Variants in SPATA1 observed in about 807,000 individuals in gnomAD.
SPATA1 encodes the protein spermatogenesis associated 1.
In SPATA1, 57 loss-of-function variants were observed where a neutral mutation model predicts 59.6. That is an observed-to-expected ratio of 0.96 (90% confidence interval 0.77 to 1.19). The LOEUF is 1.19. SPATA1 is among the 50% of genes most tolerant of loss of function. The pLI is 0.00. For synonymous variants in SPATA1, 147 were observed against 163.9 expected (o/e 0.90, Z 0.79); for missense variants, 448 against 480.7 (o/e 0.93, Z 0.64).
exon 13 of SPATA1, chr1:84,553,693 ACT>A (rs1397136328): frequency 6.6e-6 from 1 of 152,134 alleles, no homozygotes; most frequent in African/African-American, 2.4e-5. Flanking sequence ...AATGGTTTTT[ACT>A]CTGTCACAAA....
chr1:84,532,753 T>C, intron 6 of SPATA1, 107 bp from the exon 7 acceptor site: 1 of 678,556 alleles, frequency 1.5e-6, no homozygotes, highest in Non-Finnish European at 2.5e-6. Context: ...ATGGGGATTC[T>C]GAAATCTACG....
chr1:84,562,064 T>C (rs1684606101), intron 4 of SPATA1, among the ~76,000 whole-genome samples: 1 of 152,228 alleles, frequency 6.6e-6, no homozygotes, highest in Admixed American at 6.5e-5. Flanking sequence ...TTCTAAGAAC[T>C]GCATGTTTCT....
intron 4 of SPATA1, among the ~76,000 whole-genome samples, chr1:84,523,354 A>G: frequency 6.6e-6 from 1 of 152,186 alleles, no homozygotes; most frequent in Admixed American, 6.5e-5. Flanking sequence ...ATCTACATAA[A>G]TTTTATTTCC....
At chr1:84,508,242 C>T (rs1424352831) in intron 1 of SPATA1, among the ~76,000 whole-genome samples, 3 of 151,750 alleles carry the variant, frequency 2.0e-5, no homozygotes, top group Admixed American at 2.0e-4. Flanking sequence ...CGAGATGGCA[C>T]CACTGCACTC....
intron 4 of SPATA1, chr1:84,563,438 C>T: frequency 3.4e-6 from 5 of 1,459,860 alleles, no homozygotes; most frequent in Non-Finnish European, 4.5e-6. Context: ...CAAAAGTGCT[C>T]ATGTTATATA....
chr1:84,525,247 G>A (rs560110970), intron 4 of SPATA1, among the ~76,000 whole-genome samples: 4 of 152,306 alleles, frequency 2.6e-5, no homozygotes, highest in South Asian at 4.1e-4. Context: ...GATTACAGGC[G>A]TGAGTCACCA....
chr1:84,538,125 C>G (rs1683773728), intron 8 of SPATA1, among the ~76,000 whole-genome samples: 1 of 152,186 alleles, frequency 6.6e-6, no homozygotes, highest in Admixed American at 6.5e-5. Flanking sequence ...TAGCCACATT[C>G]AACTCACCTA....
In SPATA1 at chr1:84,532,842, G is replaced by A. The variant is rs1034737519; in HGVS notation, c.545-18G>A. The stretch of plus-strand genomic sequence containing the variant: ...AACATTCTGAACTTTATTTGCTGTG[G>A]ATGACCATCAACATCAGCTGGGGGA... On this transcript the variant is annotated intron_variant, in intron 6 of 12. Transcript: ENST00000490879. The A allele has an allele frequency of 8.0e-6, 12 of 1,498,418 alleles. No individual in the cohort carries two copies. In the South Asian group the frequency reaches 1.1e-4, roughly 14 times the overall value. 92.8% of individuals were successfully genotyped at this position (1,498,418 alleles called of 1,614,324 possible).
At chr1:84,557,545 AAAAAAAAAG>A (rs1684474795), downstream of SPATA1, among the ~76,000 whole-genome samples, 2 of 129,596 alleles carry the variant, frequency 1.5e-5, no homozygotes, top group African/African-American at 7.5e-5. Flanking sequence ...AAAAAAAAAA[AAAAAAAAAG>A]AAAAAAAAAA....
At chr1:84,517,134 C>T (rs1682828913) in intron 2 of SPATA1, among the ~76,000 whole-genome samples, 1 of 152,160 alleles carries the variant, frequency 6.6e-6, no homozygotes, top group Non-Finnish European at 1.5e-5. Flanking sequence ...TCTATGTGTG[C>T]ACAACAGTTG....
At chr1:84,526,595 G>A (rs767094378) in intron 6 of SPATA1, among the ~76,000 whole-genome samples, 49 of 152,234 alleles carry the variant, frequency 3.2e-4, no homozygotes, top group Non-Finnish European at 5.9e-4. Flanking sequence ...GGGGCCAGGA[G>A]TGGTGGCTTA....
At chr1:84,528,251 G>A (rs1423029781) in intron 6 of SPATA1, among the ~76,000 whole-genome samples, 1 of 152,110 alleles carries the variant, frequency 6.6e-6, no homozygotes, top group East Asian at 1.9e-4. Context: ...GTTATTAGGT[G>A]CATGCACATT....
downstream of SPATA1, chr1:84,555,341 A>C: frequency 1.7e-6 from 1 of 589,922 alleles, no homozygotes; most frequent in Non-Finnish European, 2.8e-6. Context: ...GGATACAATG[A>C]AATAAAAATT....
chr1:84,558,197 G>A (rs1202626232), downstream of SPATA1, among the ~76,000 whole-genome samples: 2 of 151,976 alleles, frequency 1.3e-5, no homozygotes, highest in Non-Finnish European at 2.9e-5. Context: ...TAATACATAT[G>A]TTAAATAACT....
chr1:84,557,457 T>A (rs948451171), downstream of SPATA1, among the ~76,000 whole-genome samples: 1 of 131,308 alleles, frequency 7.6e-6, no homozygotes, highest in Non-Finnish European at 1.5e-5. Context: ...TGCTTGAACC[T>A]GGGAGGCGGA....
chr1:84,507,025 GT>G, intron 1 of SPATA1: 1 of 152,264 alleles, frequency 6.6e-6, no homozygotes, highest in South Asian at 2.1e-4. Context: ...TATTTCCGTT[GT>G]AATTTATTAC....
chr1:84,518,143 A>G (rs942117099), intron 2 of SPATA1, among the ~76,000 whole-genome samples: 1 of 152,136 alleles, frequency 6.6e-6, no homozygotes, highest in Non-Finnish European at 1.5e-5. Context: ...AATATCTTTT[A>G]AAAAGTCAAT....
intron 4 of SPATA1, 52 bp from the exon 14 acceptor site, chr1:84,565,809 T>C (rs41284599): frequency 0.077 from 88,266 of 1,145,042 alleles, 3,820 homozygotes; most frequent in South Asian, 0.089. Context: ...ATTATTAATA[T>C]TATTAATAAA....
chr1:84,558,995 T>C (rs1231912803), downstream of SPATA1, among the ~76,000 whole-genome samples: 2 of 152,210 alleles, frequency 1.3e-5, no homozygotes, highest in Non-Finnish European at 2.9e-5. Context: ...AAACAGTATA[T>C]GGTAGTATAT....
Sources: allele counts gnomAD v4.1 joint callset (sites outside exome capture counted in the v4.1 genomes callset), GRCh38; gene constraint gnomAD v4.1.1; transcripts MANE v1.5; gene names NCBI Gene and HGNC (gene_info 2026-07-23, HGNC 2026-07-21).